The following ZMAT4 variants were observed in gnomAD, a reference collection of about 807,000 sequenced individuals.
ZMAT4 encodes the protein zinc finger matrin-type protein 4.
A neutral mutation model predicts 28.7 loss-of-function variants in ZMAT4; 17 were observed. The ratio of observed to expected loss-of-function variants is 0.59; its 90% confidence interval spans 0.41 to 0.89. ZMAT4 has a LOEUF of 0.89. Ranked by LOEUF, ZMAT4 falls within the 40% of genes least tolerant of loss-of-function variation. The probability of loss-of-function intolerance (pLI) is 0.00; values close to 1 mark genes in which losing one functional copy is unlikely to be tolerated. For synonymous variants in ZMAT4, 117 were observed against 109.2 expected (o/e 1.07, Z -0.44); for missense variants, 240 against 283.8 (o/e 0.85, Z 1.11).
At chr8:40,586,861 T>C (rs1804685627) in intron 5 of ZMAT4, among the ~76,000 whole-genome samples, 1 of 152,010 alleles carries the variant, frequency 6.6e-6, no homozygotes, top group South Asian at 2.1e-4. Context: ...TTAAAAAATA[T>C]AATTAAAGGT....
chr8:40,783,026 G>A (rs1813903689), intron 2 of ZMAT4, among the ~76,000 whole-genome samples: 1 of 152,180 alleles, frequency 6.6e-6, no homozygotes, highest in African/African-American at 2.4e-5. Flanking sequence ...AGAAGTGAGA[G>A]TTACCATATG....
At chr8:40,537,450 CT>C (rs909310489) in intron 6 of ZMAT4, among the ~76,000 whole-genome samples, 76 of 152,262 alleles carry the variant, frequency 5.0e-4, no homozygotes, top group African/African-American at 1.8e-3. Context: ...AAGTATAGCA[CT>C]TTTAAAATGA....
intron 5 of ZMAT4, among the ~76,000 whole-genome samples, chr8:40,584,423 T>C (rs1156635260): frequency 6.6e-6 from 1 of 152,172 alleles, no homozygotes; most frequent in African/African-American, 2.4e-5. Flanking sequence ...AATTAACTTT[T>C]AATAAATTTT....
intron 5 of ZMAT4, among the ~76,000 whole-genome samples, chr8:40,651,152 C>T (rs367899173): frequency 2.0e-5 from 3 of 151,888 alleles, no homozygotes; most frequent in Non-Finnish European, 2.9e-5. Context: ...TGTTTGCAGA[C>T]GACATGATTG....
chr8:40,544,021 G>A (rs1386886017), intron 6 of ZMAT4, among the ~76,000 whole-genome samples: 2 of 152,160 alleles, frequency 1.3e-5, no homozygotes, highest in Non-Finnish European at 2.9e-5. Flanking sequence ...TGAAGCCAGT[G>A]GTGGAGAGGG....
intron 5 of ZMAT4, among the ~76,000 whole-genome samples, chr8:40,627,710 A>T (rs1457480218): frequency 6.6e-6 from 1 of 152,216 alleles, no homozygotes; most frequent in East Asian, 1.9e-4. Flanking sequence ...GCTTATTCAG[A>T]TTTTAAATCC....
chr8:40,606,869 C>T (rs1805609758), intron 5 of ZMAT4, among the ~76,000 whole-genome samples: 1 of 152,148 alleles, frequency 6.6e-6, no homozygotes, highest in Admixed American at 6.6e-5. Context: ...CTAACATAAT[C>T]CCAGACTTCT....
chr8:40,741,271 T>C (rs1183059394), intron 3 of ZMAT4, among the ~76,000 whole-genome samples: 1 of 151,606 alleles, frequency 6.6e-6, no homozygotes, highest in Non-Finnish European at 1.5e-5. Context: ...ATGGCGAAAC[T>C]CCATCTCTAC....
intron 5 of ZMAT4, among the ~76,000 whole-genome samples, chr8:40,655,559 T>A (rs964942330): frequency 6.6e-6 from 1 of 151,156 alleles, no homozygotes; most frequent in Non-Finnish European, 1.5e-5. Context: ...TAAAACTTAC[T>A]ACAATGCTAC....
chr8:40,845,195 T>G (rs1230857626), intron 1 of ZMAT4, among the ~76,000 whole-genome samples: 1 of 152,210 alleles, frequency 6.6e-6, no homozygotes, highest in Non-Finnish European at 1.5e-5. Flanking sequence ...TTCATGCAAC[T>G]TGGATCTCCT....
chr8:40,703,244 A>G (rs1810220332), intron 3 of ZMAT4, among the ~76,000 whole-genome samples: 1 of 152,208 alleles, frequency 6.6e-6, no homozygotes, highest in African/African-American at 2.4e-5. Context: ...AGAGAAATAA[A>G]AATATATGTC....
intron 3 of ZMAT4, among the ~76,000 whole-genome samples, chr8:40,725,642 C>A (rs1009933970): frequency 2.6e-5 from 4 of 152,212 alleles, no homozygotes; most frequent in Admixed American, 2.6e-4. Context: ...CACTAAATAT[C>A]TCCTTTAAAG....
chr8:40,635,560 A>C (rs548283639), intron 5 of ZMAT4, among the ~76,000 whole-genome samples: 1 of 152,208 alleles, frequency 6.6e-6, no homozygotes, highest in Non-Finnish European at 1.5e-5. Flanking sequence ...AGTAATCAAG[A>C]CTTCTATTCC....
chr8:40,596,961 G>A (rs1805126988), intron 5 of ZMAT4, among the ~76,000 whole-genome samples: 1 of 152,074 alleles, frequency 6.6e-6, no homozygotes, highest in African/African-American at 2.4e-5. Flanking sequence ...CTAATAAGGT[G>A]GCTCCAGGCA....
intron 6 of ZMAT4, among the ~76,000 whole-genome samples, chr8:40,566,587 G>T (rs1451655064): frequency 6.6e-6 from 1 of 152,084 alleles, no homozygotes; most frequent in South Asian, 2.1e-4. Context: ...ATGACATCTG[G>T]TTCCAAGACT....
chr8:40,633,509 C>G (rs997206016), intron 5 of ZMAT4, among the ~76,000 whole-genome samples: 3 of 152,148 alleles, frequency 2.0e-5, no homozygotes, highest in African/African-American at 7.2e-5. Flanking sequence ...GATATTTGGG[C>G]AGAAGTACAG....
At chr8:40,626,201 C>A (rs1806376078) in intron 5 of ZMAT4, among the ~76,000 whole-genome samples, 1 of 151,428 alleles carries the variant, frequency 6.6e-6, no homozygotes, top group African/African-American at 2.4e-5. Context: ...GAGCAGATGA[C>A]TAAGGAGAAA....
intron 3 of ZMAT4, among the ~76,000 whole-genome samples, chr8:40,733,185 A>C (rs1299285521): frequency 6.6e-6 from 1 of 152,048 alleles, no homozygotes; most frequent in African/African-American, 2.4e-5. Flanking sequence ...AAGGGAGCTG[A>C]CATCCTTTTT....
chr8:40,873,764 C>T (rs905677059), intron 1 of ZMAT4, among the ~76,000 whole-genome samples: 2 of 152,176 alleles, frequency 1.3e-5, no homozygotes, highest in Non-Finnish European at 2.9e-5. Flanking sequence ...ACTTCATCAG[C>T]GGTTAGGACA....
Sources: gnomAD v4.1 joint callset for allele counts (sites outside exome capture counted in the v4.1 genomes callset) on GRCh38, gnomAD v4.1.1 for gene constraint, MANE v1.5 for transcripts, NCBI Gene and HGNC (gene_info 2026-07-23, HGNC 2026-07-21) for gene names.